The following MCC variants were observed in gnomAD, a reference collection of about 807,000 sequenced individuals.
The protein encoded by MCC is MCC regulator of Wnt signaling pathway, also known as colorectal mutant cancer protein.
Under a neutral mutation model 116.2 loss-of-function variants are expected in MCC, and 90 were observed. The ratio of observed to expected loss-of-function variants is 0.77; its 90% confidence interval spans 0.65 to 0.92. The LOEUF (loss-of-function observed/expected upper bound fraction) is 0.92, where lower values mean the gene tolerates loss of function less well. Ranked by LOEUF, MCC falls within the 40% of genes least tolerant of loss-of-function variation. MCC has a pLI of 0.00. For missense variants in MCC, 1,516 were observed against 1,312.2 expected (o/e 1.16, Z -2.40); for synonymous variants, 578 against 510.5 (o/e 1.13, Z -1.78).
chr5:113,286,436 C>T (rs899696312), intron 3 of MCC, among the ~76,000 whole-genome samples: 4 of 152,178 alleles, frequency 2.6e-5, no homozygotes, highest in Non-Finnish European at 4.4e-5. Context: ...AACTGACATG[C>T]GCACACACAT....
At chr5:113,192,647 T>C (rs1762202364) in intron 3 of MCC, among the ~76,000 whole-genome samples, 1 of 152,206 alleles carries the variant, frequency 6.6e-6, no homozygotes, top group Non-Finnish European at 1.5e-5. Flanking sequence ...AAATGGGAGT[T>C]ACACCTCCTT....
intron 2 of MCC, among the ~76,000 whole-genome samples, chr5:113,368,352 A>G (rs1768752225): frequency 6.6e-6 from 1 of 152,204 alleles, no homozygotes; most frequent in African/African-American, 2.4e-5. Context: ...ACTTTTATCA[A>G]TAAACACATA....
At chr5:113,105,149 C>T (rs1581069739) in intron 6 of MCC, among the ~76,000 whole-genome samples, 2 of 152,310 alleles carry the variant, frequency 1.3e-5, no homozygotes, top group African/African-American at 4.8e-5. Context: ...TTCTGTCTAT[C>T]GCCATGCCAT....
chr5:113,035,837 T>A (rs1751292155), intron 17 of MCC, among the ~76,000 whole-genome samples: 3 of 152,194 alleles, frequency 2.0e-5, no homozygotes, highest in African/African-American at 7.2e-5. Flanking sequence ...ACAGTGACTG[T>A]ATCACATCAT....
intron 1 of MCC, among the ~76,000 whole-genome samples, chr5:113,465,588 A>T (rs1441542300): frequency 6.6e-6 from 1 of 152,216 alleles, no homozygotes; most frequent in South Asian, 2.1e-4. Flanking sequence ...TTAAAACAAG[A>T]CGAACATTTT....
At chr5:113,266,353 C>T (rs1428035416) in intron 3 of MCC, among the ~76,000 whole-genome samples, 1 of 152,102 alleles carries the variant, frequency 6.6e-6, no homozygotes, top group Non-Finnish European at 1.5e-5. Context: ...CTCTTGTTTA[C>T]CCAGCAACGA....
At chr5:113,399,740 C>T (rs543334270) in intron 1 of MCC, among the ~76,000 whole-genome samples, 1 of 152,162 alleles carries the variant, frequency 6.6e-6, no homozygotes, top group African/African-American at 2.4e-5. Context: ...CTTATGAAAA[C>T]ATTTTGGTTG....
Position 113,068,241 on chromosome 5 carries a change from T to C in MCC, c.1926-58A>G, listed in dbSNP as rs887888678. 131 of 1,359,892 alleles carry C rather than the reference T, an allele frequency of 9.6e-5. 1 individual carries two copies. Among genetic ancestry groups the C allele is most frequent in the Admixed American group, 5.2e-4 (29 of 55,922 alleles). The allele number at this position is 1,359,892 out of a possible 1,614,324, so 84.2% of individuals were successfully genotyped here. A position where few individuals can be genotyped will look rare whatever the true frequency, so the allele number is the denominator to read the frequency against. ...CAGAGAACAGCGGACACCTTCAATG[T>C]GGCGCCGGTTTCTGTGCAGGAGGCA... On this transcript the variant is annotated intron_variant, in intron 12 of 18. Transcript: ENST00000408903.
chr5:113,418,631 T>G (rs1770223456), intron 1 of MCC, among the ~76,000 whole-genome samples: 1 of 152,122 alleles, frequency 6.6e-6, no homozygotes, highest in African/African-American at 2.4e-5. Context: ...GTAAAGCTTT[T>G]AGTGCAGTGC....
At chr5:113,411,668 C>A (rs973768162) in intron 1 of MCC, among the ~76,000 whole-genome samples, 7 of 151,798 alleles carry the variant, frequency 4.6e-5, no homozygotes, top group Non-Finnish European at 1.0e-4. Context: ...AAACAGCTAA[C>A]CTTTAAAAAG....
At position 113,085,257 on chromosome 5, in the gene MCC, G is replaced by T; in HGVS notation, c.1452C>A (p.Ser484Arg). The T allele has an allele frequency of 8.1e-6, 13 of 1,614,176 alleles. No homozygotes were observed. Among genetic ancestry groups the T allele is most frequent in the African/African-American group, 1.3e-5 (1 of 75,038 alleles). Residue 484 changes from serine (S) to arginine (R), a missense_variant, in exon 9 of 19, where the codon AGC becomes AGA. Transcript: ENST00000408903. ...LQSVQATGPS[S>R]PGRLTSTNRP... ...GGTTGGTGGAAGTGAGGCGGCCAGG[G>T]CTGGAGGGACCTGTGGCCTGCACGC...
chr5:113,433,654 C>T, intron 1 of MCC: 6 of 1,486,960 alleles, frequency 4.0e-6, no homozygotes, highest in Non-Finnish European at 5.4e-6. Flanking sequence ...GACTGCCTTC[C>T]TTCTCTGGCT....
chr5:113,330,242 C>T (rs1384859641), intron 3 of MCC, among the ~76,000 whole-genome samples: 1 of 152,202 alleles, frequency 6.6e-6, no homozygotes. Context: ...GCTCTCTGAA[C>T]CGCTTCTGGT....
At chr5:113,433,700 C>T (rs1456469096) in intron 1 of MCC, 3 of 1,583,564 alleles carry the variant, frequency 1.9e-6, no homozygotes, top group East Asian at 2.2e-5. Context: ...GGCTTTAAGC[C>T]GTGAGCTCCA....
rs1272475564 is a variant in MCC at position 113,023,025 on chromosome 5, AGCT to A, written c.*4274_*4276del. 6.6e-6 allele frequency: 1 copy of A among 152,254 alleles called. No homozygotes were observed. Among genetic ancestry groups the A allele is most frequent in the Non-Finnish European group, 1.5e-5 (1 of 68,038 alleles). The allele number at this position is 152,254 out of a possible 1,614,324, so 9.4% of individuals were successfully genotyped here. A position where few individuals can be genotyped will look rare whatever the true frequency, so the allele number is the denominator to read the frequency against. ...ATTAGCAAAACAAGAATACATGAAC[AGCT>A]GCTATCAACTTGTATACTTTTTTTC... On this transcript the variant is annotated 3_prime_UTR_variant, in exon 19 of 19. Coordinates refer to ENST00000408903, the MANE Select transcript of MCC (RefSeq NM_001085377.2).
At chr5:113,201,804 G>A (rs920099281) in intron 3 of MCC, among the ~76,000 whole-genome samples, 16 of 152,136 alleles carry the variant, frequency 1.1e-4, no homozygotes, top group African/African-American at 3.9e-4. Flanking sequence ...TATTCTGCTA[G>A]AGGGCTAGAT....
chr5:113,162,792 C>A (rs934382714), intron 3 of MCC, among the ~76,000 whole-genome samples: 2 of 152,122 alleles, frequency 1.3e-5, no homozygotes, highest in Non-Finnish European at 2.9e-5. Context: ...AGCCACTGTG[C>A]CTTGGTCCAC....
intron 2 of MCC, among the ~76,000 whole-genome samples, chr5:113,358,336 C>T (rs1429997371): frequency 1.3e-5 from 2 of 152,192 alleles, no homozygotes; most frequent in Non-Finnish European, 2.9e-5. Context: ...AGGAAATCTG[C>T]ACTTCCTGGC....
At chr5:113,105,720 C>G (rs1756690067) in intron 6 of MCC, among the ~76,000 whole-genome samples, 1 of 152,224 alleles carries the variant, frequency 6.6e-6, no homozygotes, top group Non-Finnish European at 1.5e-5. Flanking sequence ...ATCATCATCT[C>G]TCAACTGGAC....
Sources: allele counts gnomAD v4.1 joint callset (sites outside exome capture counted in the v4.1 genomes callset), GRCh38; gene constraint gnomAD v4.1.1; transcripts MANE v1.5; gene names NCBI Gene and HGNC (gene_info 2026-07-23, HGNC 2026-07-21).